C19orf38: variants seen among roughly 807,000 people sequenced by gnomAD.
C19orf38 encodes protein HIDE1.
A neutral mutation model predicts 26.6 loss-of-function variants in C19orf38; 14 were observed. The ratio of observed to expected loss-of-function variants is 0.53; its 90% CI spans 0.35 to 0.82. The LOEUF (loss-of-function observed/expected upper bound fraction) is 0.82. Ranked by LOEUF, C19orf38 falls within the 40% of genes least tolerant of loss-of-function variation. C19orf38 has a pLI of 0.01. For missense variants in C19orf38, 261 were observed against 299.5 expected (o/e 0.87, Z 0.95); for synonymous variants, 132 against 128.5 (o/e 1.03, Z -0.18).
intron 1 of C19orf38, chr19:10,841,773 G>T: frequency 1.1e-6 from 1 of 876,474 alleles, no homozygotes; most frequent in Non-Finnish European, 1.9e-6. Context: ...AGGAGTTCCC[G>T]ACTAGCCTGG....
rs374345666 is a variant in C19orf38, at chr19:10,856,573, G to A, written c.433+216G>A. On this transcript the variant is annotated intron_variant, in intron 3 of 6. Transcript: ENST00000397820. Reference sequence around the variant, plus strand: ...GGCTGGAGTGCAGTGGCACGATCTCGGCCCACTGCAACCTCCGCCTTCGAG... The same window carrying A: ...GGCTGGAGTGCAGTGGCACGATCTCAGCCCACTGCAACCTCCGCCTTCGAG... Among the ~76,000 whole-genome samples, 120 of 149,798 alleles carry A rather than the reference G, an allele frequency of 8.0e-4. No individual in the cohort carries two copies. The South Asian group carries it at 0.01, about 13-fold the overall frequency.
intron 5 of C19orf38, among the ~76,000 whole-genome samples, chr19:10,862,588 G>A (rs1164314766): frequency 2.0e-5 from 3 of 152,004 alleles, no homozygotes; most frequent in East Asian, 1.9e-4. Context: ...CCAGCATTTT[G>A]GGAGGCCGAG....
intron 1 of C19orf38, among the ~76,000 whole-genome samples, chr19:10,842,652 G>A (rs999526500): frequency 3.3e-5 from 5 of 152,036 alleles, no homozygotes; most frequent in African/African-American, 1.2e-4. Flanking sequence ...CAGGAGGATC[G>A]CTTGAGCCCA....
In C19orf38 at chr19:10,850,515, C is replaced by T. The variant is rs1268563750; in HGVS notation, c.288C>T (p.Leu96=). Residue 96 remains leucine (L), a synonymous_variant, in exon 2 of 7, where the codon CTC becomes CTT. Coordinates refer to ENST00000397820, the MANE Select transcript of C19orf38 (RefSeq NM_001136482.3). The part of the protein sequence containing the change: ...FHCQYGVLGE[L]NQSQLSDLSE... ...GCCAGTATGGAGTGTTAGGTGAGCT[C>T]AACCAGTCCCAGCTGTCAGACCTCA... The T allele has an allele frequency of 1.8e-5, 28 of 1,551,514 alleles. No individual in the cohort carries two copies. The highest frequency in any genetic ancestry group is 2.3e-5 in the Non-Finnish European group (26 of 1,146,982).
chr19:10,842,970 A>G (rs995735861), intron 1 of C19orf38, among the ~76,000 whole-genome samples: 5 of 152,202 alleles, frequency 3.3e-5, no homozygotes, highest in African/African-American at 4.8e-5. Flanking sequence ...GGAAATGCTG[A>G]CAATTGAAGG....
chr19:10,848,375 G>C (rs2073535088), upstream of C19orf38: 1 of 946,542 alleles, frequency 1.1e-6, no homozygotes, highest in Admixed American at 2.1e-5. Flanking sequence ...GCAACTTCCT[G>C]CCAGTGAGGA....
intron 4 of C19orf38, among the ~76,000 whole-genome samples, chr19:10,858,818 A>C (rs983969309): frequency 3.3e-5 from 5 of 152,058 alleles, no homozygotes; most frequent in African/African-American, 1.2e-4. Flanking sequence ...CCCTGGCCTC[A>C]GTTTCTCTCC....
At chr19:10,843,876 C>T (rs186908331), upstream of C19orf38, among the ~76,000 whole-genome samples, 234 of 152,196 alleles carry the variant, frequency 1.5e-3, 3 homozygotes, top group South Asian at 8.7e-3. Flanking sequence ...TCCAACACTT[C>T]GGGAGGTGGG....
Position 10,850,412 on chromosome 19 carries a change from A to T in C19orf38, c.185A>T (p.Gln62Leu), listed in dbSNP as rs1318354843. The T allele has an allele frequency of 3.2e-6, 5 of 1,550,850 alleles. No homozygotes were observed. The East Asian group carries it at 7.3e-5, about 23-fold the overall frequency. Residue 62 changes from glutamine (Q) to leucine (L), a missense_variant, in exon 2 of 7, where the codon CAG becomes CTG. Coordinates refer to ENST00000397820, the MANE Select transcript of C19orf38 (RefSeq NM_001136482.3). ...YRGGQVVQLLQAPTDQRGVTF... is the reference protein window; with the variant it reads ...YRGGQVVQLLLAPTDQRGVTF... ...GGGGGGCAGGTGGTCCAGCTCCTGC[A>T]GGCCCCCACGGACCAGCGCGGGGTG... is the stretch of plus-strand genomic sequence containing the variant.
In C19orf38 at chr19:10,863,176, C is replaced by G; in HGVS notation, c.512C>G (p.Ser171Cys). 6.4e-7 allele frequency: 1 copy of G among 1,551,462 alleles called. No homozygotes were observed. Among genetic ancestry groups the G allele is most frequent in the East Asian group, 2.4e-5 (1 of 40,916 alleles). Residue 171 changes from serine to cysteine, a missense_variant, in exon 6 of 7, where the codon TCC becomes TGC. Transcript: ENST00000397820. ...AQINFDSTDM[S>C]FDNSLFTVSA... ...CTTTCTCTTTCTGTTTCAGACATGT[C>G]CTTCGATAACTCCCTGTTTACCGTC...
At position 10,850,438 on chromosome 19, in the gene C19orf38, A is replaced by T. The variant is rs1361005432; in HGVS notation, c.211A>T (p.Thr71Ser). 3 of 1,551,294 alleles carry T rather than the reference A, an allele frequency of 1.9e-6. No individual in the cohort carries two copies. Among genetic ancestry groups the T allele is most frequent in the East Asian group, 2.4e-5 (1 of 40,924 alleles). The change falls in exon 2 of 7, where the codon ACA becomes TCA. Residue 71 changes from threonine to serine, a missense_variant. Physicochemically the swap from Thr to Ser is moderately conservative, Grantham distance 58. Coordinates refer to ENST00000397820, the MANE Select transcript of C19orf38 (RefSeq NM_001136482.3). ...GGCCCCCACGGACCAGCGCGGGGTGACATTTAACCTGAGCGGCGGCAGCAG... is the reference window on the plus strand; with the variant it reads ...GGCCCCCACGGACCAGCGCGGGGTGTCATTTAACCTGAGCGGCGGCAGCAG... ...LQAPTDQRGV[T>S]FNLSGGSSKA...
intron 3 of C19orf38, among the ~76,000 whole-genome samples, chr19:10,856,901 G>C (rs2073631594): frequency 2.0e-5 from 3 of 150,940 alleles, no homozygotes; most frequent in African/African-American, 7.3e-5. Context: ...GGCTCAAGCA[G>C]TTCTCCTGCC....
At chr19:10,858,609 A>G (rs2073656590) in intron 4 of C19orf38, among the ~76,000 whole-genome samples, 1 of 152,214 alleles carries the variant, frequency 6.6e-6, no homozygotes, top group African/African-American at 2.4e-5. Flanking sequence ...ACTGAGGCTC[A>G]GCACTCAGTC....
chr19:10,869,482 G>A lies in C19orf38; in HGVS notation c.*115G>A. 1 of 1,354,952 alleles carries A rather than the reference G, an allele frequency of 7.4e-7. No homozygotes were observed. The highest frequency in any genetic ancestry group is 9.8e-7 in the Non-Finnish European group (1 of 1,023,918). The allele number at this position is 1,354,952 out of a possible 1,614,324, so 83.9% of individuals were successfully genotyped here. On this transcript the variant is annotated 3_prime_UTR_variant, in exon 7 of 7. Coordinates refer to ENST00000397820, the MANE Select transcript of C19orf38 (RefSeq NM_001136482.3). The stretch of plus-strand genomic sequence containing the variant: ...TCTCAGGGAATTGGACAGAGGAAAG[G>A]AAGGGGAACCCTGGCCTTGGGATTT...
intron 5 of C19orf38, among the ~76,000 whole-genome samples, chr19:10,861,883 TTTG>T (rs954579787): frequency 1.3e-4 from 20 of 150,620 alleles, no homozygotes; most frequent in South Asian, 2.1e-4. Context: ...CCACCGCCCT[TTTG>T]TTGTTGTTGT....
Position 10,859,244 on chromosome 19 carries a change from A to ATGTG in C19orf38, c.462-639_462-636dup, listed in dbSNP as rs35791729. On this transcript the variant is annotated intron_variant, in intron 4 of 6. Coordinates refer to ENST00000397820, the MANE Select transcript of C19orf38 (RefSeq NM_001136482.3). ...CAGCCACCGTGCCTGGCTTTTATATATGTGTGTGTGTGTGTGTGTGTGTGT... is the reference window on the plus strand; with the variant it reads ...CAGCCACCGTGCCTGGCTTTTATATATGTGTGTGTGTGTGTGTGTGTGTGTGTGT... 1.8e-3 allele frequency among the ~76,000 whole-genome samples: 220 copies of ATGTG among 119,428 alleles called. 1 individual carries two copies. Among genetic ancestry groups the ATGTG allele is most frequent in the East Asian group, 4.2e-3 (17 of 4,004 alleles). The allele number at this position is 119,428 out of a possible 152,430, so 78.3% of individuals were successfully genotyped here.
intron 2 of C19orf38, among the ~76,000 whole-genome samples, chr19:10,855,064 T>G (rs1479655018): frequency 1.4e-5 from 2 of 145,116 alleles, no homozygotes; most frequent in East Asian, 4.0e-4. Flanking sequence ...TTGAGACAGA[T>G]TCTAGCTGTG....
intron 6 of C19orf38, among the ~76,000 whole-genome samples, chr19:10,863,453 G>C (rs2073723258): frequency 6.6e-6 from 1 of 152,156 alleles, no homozygotes; most frequent in East Asian, 1.9e-4. Flanking sequence ...CAGGCAGGCA[G>C]GCCCCTTGGT....
At position 10,851,530 on chromosome 19, in the gene C19orf38, G is replaced by A. The variant is rs563444306; in HGVS notation, c.340+963G>A. ...TAATTTAAAAAATTATTTTAGAGAT[G>A]AGGGTCTAAAATGTTGACCAGGGCC... On this transcript the variant is annotated intron_variant, in intron 2 of 6. Transcript: ENST00000397820. Among the ~76,000 whole-genome samples, 9 of 152,190 alleles carry A rather than the reference G, an allele frequency of 5.9e-5. No homozygotes were observed. In the East Asian group the frequency reaches 1.7e-3, roughly 29 times the overall value.
Sources: allele counts gnomAD v4.1 joint callset (sites outside exome capture counted in the v4.1 genomes callset), GRCh38; gene constraint gnomAD v4.1.1; transcripts MANE v1.5; gene names NCBI Gene and HGNC (gene_info 2026-07-23, HGNC 2026-07-21).